AGRN: variants seen among roughly 807,000 people sequenced by gnomAD.
AGRN encodes agrin.
Under a neutral mutation model 211.0 loss-of-function variants are expected in AGRN, and 106 were observed. The ratio of observed to expected loss-of-function variants is 0.50; its 90% CI spans 0.43 to 0.59. The LOEUF (loss-of-function observed/expected upper bound fraction) is 0.59. AGRN is among the 20% of genes least tolerant of loss of function. The pLI, the probability that AGRN is intolerant of heterozygous loss-of-function variation, is 0.00. For synonymous variants in AGRN, 1,525 were observed against 1,332.5 expected (o/e 1.14, Z -3.15); for missense variants, 3,040 against 2,982.6 (o/e 1.02, Z -0.45).
At position 1,043,330 on chromosome 1, in the gene AGRN, G is replaced by T. The variant is rs1644997529; in HGVS notation, c.1476G>T (p.Gln492His). The T allele has an allele frequency of 5.0e-6, 8 of 1,608,892 alleles. No individual in the cohort carries two copies. Among genetic ancestry groups the T allele is most frequent in the Non-Finnish European group, 6.8e-6 (8 of 1,178,824 alleles). ...KNGQAACECL[Q>H]ACSSLYDPVC... is the part of the protein sequence containing the mutation. The stretch of plus-strand genomic sequence containing the variant: ...GGCAGGCAGCGTGTGAATGCCTGCA[G>T]GCGTGCTCGAGCCTCTACGATCCTG... Residue 492 changes from glutamine to histidine, a missense_variant, in exon 8 of 36, where the codon CAG (glutamine) becomes CAT (histidine). This residue lies in a region of AGRN where 1,498 missense variants were observed against 1,457.8 expected (regional missense o/e 1.03). Transcript: ENST00000379370.
intron 2 of AGRN, among the ~76,000 whole-genome samples, chr1:1,024,751 C>A (rs1644481753): frequency 6.6e-6 from 1 of 152,170 alleles, no homozygotes; most frequent in African/African-American, 2.4e-5. Flanking sequence ...AGCCAAGGCC[C>A]CTCCCCCAGT....
Position 1,046,509 on chromosome 1 carries a change from C to T in AGRN, c.3024C>T (p.Pro1008=). 1.2e-6 allele frequency: 2 copies of T among 1,611,114 alleles called. No homozygotes were observed. Among genetic ancestry groups the T allele is most frequent in the Non-Finnish European group, 1.7e-6 (2 of 1,178,966 alleles). ...PAPPGALPLA[P]SSTAHSQTTP... ...CCCCCGGCGCCCTCCCCCTGGCTCC[C>T]AGCAGTACCGCACACAGCCAGACCA... The change falls in exon 18 of 36, where the codon CCC becomes CCT. Residue 1008 remains proline (P), a synonymous_variant. Coordinates refer to ENST00000379370, the MANE Select transcript of AGRN (RefSeq NM_198576.4).
intron 33 of AGRN, chr1:1,052,412 T>C (rs1645323672): frequency 9.7e-6 from 3 of 307,874 alleles, no homozygotes; most frequent in South Asian, 8.0e-5. Context: ...TGTGTGTATA[T>C]GTGGGGGGGA....
At chr1:1,046,783 C>T in intron 18 of AGRN, 37 bp from the exon 19 acceptor site, 1 of 1,574,156 alleles carries the variant, frequency 6.4e-7, no homozygotes, top group South Asian at 1.1e-5. Flanking sequence ...CGCCGAGAGG[C>T]TCCACCAGAG....
At chr1:1,052,838 T>G (rs1645345579) in intron 33 of AGRN, 1 of 156,348 alleles carries the variant, frequency 6.4e-6, no homozygotes, top group Non-Finnish European at 1.4e-5. Context: ...TGTCCGAGTG[T>G]GTGTCCATGG....
Position 1,043,249 on chromosome 1 carries a change from G to A in AGRN, c.1395G>A (p.Pro465=), listed in dbSNP as rs367601178. 306 of 1,606,212 alleles carry A rather than the reference G, an allele frequency of 1.9e-4. 1 individual carries two copies. Among genetic ancestry groups the A allele is most frequent in the Non-Finnish European group, 2.3e-4 (274 of 1,177,618 alleles). The change falls in exon 8 of 36, where the codon CCG becomes CCA. Residue 465 remains proline (P), a synonymous_variant. Transcript: ENST00000379370. The part of the protein sequence containing the change: ...SKHQGPCDQA[P]SPCLGVQCAF... ...CTGTGTCCTTCCCAGACCAGGCCCC[G>A]TCCCCATGCCTCGGGGTGCAGTGTG...
chr1:1,042,763 C>T (rs760426094), intron 7 of AGRN, among the ~76,000 whole-genome samples: 6 of 151,828 alleles, frequency 4.0e-5, no homozygotes, highest in Non-Finnish European at 8.8e-5. Flanking sequence ...GCCCCTGGTG[C>T]GGCAGGGGGG....
rs1644736902 is a variant in AGRN, at chr1:1,033,947, C to T, written c.464-1330C>T. ...ACGCCGGGGTCCCTGGAGGCGGCTT[C>T]CTTTGTCTCTGCTCCCGCCCTCCCT... On this transcript the variant is annotated intron_variant, in intron 2 of 35. Transcript: ENST00000379370. Among the ~76,000 whole-genome samples, 4 of 151,800 alleles carry T rather than the reference C, an allele frequency of 2.6e-5. No individual in the cohort carries two copies. In the South Asian group the frequency reaches 8.3e-4, roughly 32 times the overall value.
chr1:1,020,865 GAGCAGAGAGGTGGGCGGGGC>G (rs1644386325), intron 1 of AGRN, among the ~76,000 whole-genome samples: 1 of 142,354 alleles, frequency 7.0e-6, no homozygotes, highest in Non-Finnish European at 1.5e-5. Flanking sequence ...GGGCGTGCAG[GAGCAGAGAGGTGGGCGGGGC>G]CGTCACCGGG....
chr1:1,042,193 G>A (rs1184263662), intron 7 of AGRN, 31 bp downstream of exon 7: 9 of 1,572,650 alleles, frequency 5.7e-6, no homozygotes, highest in Non-Finnish European at 6.9e-6. Context: ...GCCAGGCGGG[G>A]TGGGCTGCTC....
At chr1:1,049,114 G>T (rs1645193098) in intron 24 of AGRN, 55 bp downstream of exon 24, 1 of 693,110 alleles carries the variant, frequency 1.4e-6, no homozygotes, top group Non-Finnish European at 2.0e-6. Context: ...GAGGGGACGG[G>T]CGGGGGAGGG....
In AGRN at chr1:1,031,055, T is replaced by A. The variant is rs562262850; in HGVS notation, c.464-4222T>A. Among the ~76,000 whole-genome samples the A allele has an allele frequency of 3.9e-3, 539 of 137,670 alleles. 9 individuals carry two copies. Among genetic ancestry groups the A allele is most frequent in the South Asian group, 0.011 (44 of 4,070 alleles). The allele number at this position is 137,670 out of a possible 152,430, so 90.3% of individuals were successfully genotyped here. ...GGTGCTGTGAGTGTATCAGCATGTG[T>A]GTGTGTGCAGTGCATGGTGCTGTGA... On this transcript the variant is annotated intron_variant, in intron 2 of 35. Coordinates refer to ENST00000379370, the MANE Select transcript of AGRN (RefSeq NM_198576.4). This position sits in a 1 kb window ranked among gnomAD's most constrained non-coding sequence, Gnocchi z 4.8.
At chr1:1,051,879 C>T (rs917547178) in intron 33 of AGRN, 64 bp downstream of exon 33, 1 of 1,597,282 alleles carries the variant, frequency 6.3e-7, no homozygotes, top group African/African-American at 1.3e-5. Context: ...ACACCGGACC[C>T]CCACACCAGG....
chr1:1,047,102 C>T lies in AGRN; in HGVS notation c.3388+145C>T, dbSNP rs3813190. Reference sequence around the variant, plus strand: ...AAACATGTGCGTGCCGGGGACCCCACGCCTAACCCGTCTCTCTCGTTGCAA... The same window carrying T: ...AAACATGTGCGTGCCGGGGACCCCATGCCTAACCCGTCTCTCTCGTTGCAA... On this transcript the variant is annotated intron_variant, in intron 19 of 35. Coordinates refer to ENST00000379370, the MANE Select transcript of AGRN (RefSeq NM_198576.4). 7.7e-3 allele frequency: 10,866 copies of T among 1,408,070 alleles called. 229 individuals carry two copies. Among genetic ancestry groups the T allele is most frequent in the African/African-American group, 0.069 (4,830 of 70,004 alleles). 87.2% of individuals were successfully genotyped at this position (1,408,070 alleles called of 1,614,324 possible).
intron 9 of AGRN, 40 bp downstream of exon 9, chr1:1,043,772 G>T: frequency 6.2e-7 from 1 of 1,604,842 alleles, no homozygotes. Context: ...AGGGTCCTGT[G>T]CCTCCCTCAG....
At chr1:1,026,694 G>A (rs1304991040) in intron 2 of AGRN, among the ~76,000 whole-genome samples, 3 of 152,186 alleles carry the variant, frequency 2.0e-5, no homozygotes, top group East Asian at 1.9e-4. Context: ...CAGGGCCCCC[G>A]AAGCCCAGCG....
intron 33 of AGRN, chr1:1,053,548 G>T (rs565605079): frequency 3.3e-6 from 5 of 1,527,146 alleles, no homozygotes; most frequent in South Asian, 2.4e-5. Context: ...CTGTCCTCCC[G>T]CCCGTCTCTC....
chr1:1,038,633 C>T (rs1319681871), intron 3 of AGRN, among the ~76,000 whole-genome samples: 1 of 152,186 alleles, frequency 6.6e-6, no homozygotes, highest in Non-Finnish European at 1.5e-5. Context: ...CTGGCTGAGC[C>T]AAGGTGACCA....
intron 2 of AGRN, chr1:1,034,544 G>C (rs1644754036): frequency 2.0e-6 from 2 of 986,320 alleles, no homozygotes; most frequent in African/African-American, 3.5e-5. Flanking sequence ...CGCAGAGCCG[G>C]AGCCCCGGGC....
Sources: allele counts gnomAD v4.1 joint callset (sites outside exome capture counted in the v4.1 genomes callset), GRCh38; gene constraint gnomAD v4.1.1; regional missense constraint gnomAD v4.1.1; non-coding constraint Gnocchi (gnomAD v3.1); transcripts MANE v1.5; gene names NCBI Gene and HGNC (gene_info 2026-07-23, HGNC 2026-07-21).